RBM47: variants seen among roughly 807,000 people sequenced by gnomAD.
The protein encoded by RBM47 is RNA binding motif protein 47.
A neutral mutation model predicts 47.1 loss-of-function variants in RBM47; 21 were observed. The ratio of observed to expected loss-of-function variants is 0.45; its 90% CI spans 0.32 to 0.64. The LOEUF (loss-of-function observed/expected upper bound fraction) is 0.64. Ranked by LOEUF, RBM47 falls within the 30% of genes least tolerant of loss-of-function variation. The pLI is 0.05. For missense variants in RBM47, 708 were observed against 870.9 expected, an observed-to-expected ratio of 0.81 and a Z score of 2.35; for synonymous variants, 375 against 361.7, an observed-to-expected ratio of 1.04 and a Z score of -0.42.
intron 1 of RBM47, among the ~76,000 whole-genome samples, chr4:40,625,760 C>T (rs1376948194): frequency 6.6e-6 from 1 of 152,126 alleles, no homozygotes; most frequent in African/African-American, 2.4e-5. Context: ...AGACAAATAT[C>T]GTGATTTGGG....
chr4:40,519,190 AAC>A (rs1346779343), intron 2 of RBM47, among the ~76,000 whole-genome samples: 1 of 152,006 alleles, frequency 6.6e-6, no homozygotes, highest in Non-Finnish European at 1.5e-5. Context: ...TGCCCTGGGT[AAC>A]AGAGTGAGAT....
chr4:40,460,111 C>T (rs1276266879), intron 3 of RBM47, among the ~76,000 whole-genome samples: 1 of 152,152 alleles, frequency 6.6e-6, no homozygotes, highest in African/African-American at 2.4e-5. Flanking sequence ...ATGGAAAAGC[C>T]ACACCAACCC....
intron 2 of RBM47, among the ~76,000 whole-genome samples, chr4:40,471,714 C>T (rs565508949): frequency 8.0e-5 from 12 of 150,594 alleles, no homozygotes; most frequent in African/African-American, 2.9e-4. Context: ...AAAAAGGAAG[C>T]GTTTTATCAC....
intron 3 of RBM47, among the ~76,000 whole-genome samples, chr4:40,452,332 G>A (rs888372623): frequency 2.6e-5 from 4 of 152,142 alleles, no homozygotes; most frequent in African/African-American, 9.7e-5. Flanking sequence ...ACCAGATTGT[G>A]AAGGGTCTAA....
rs1714807842 is a variant in RBM47, at chr4:40,424,898, T to C, written c.*1006A>G. ...GCAATTAAATAGCTATGCAAAGGTG[T>C]CTTATGCAACTCGATTAAAACCTTG... is the stretch of plus-strand genomic sequence containing the variant. On this transcript the variant is annotated 3_prime_UTR_variant, in exon 7 of 7. Transcript: ENST00000295971. The C allele has an allele frequency of 6.6e-6, 1 of 151,884 alleles. No homozygotes were observed. Among genetic ancestry groups the C allele is most frequent in the Non-Finnish European group, 1.5e-5 (1 of 67,990 alleles). 9.4% of individuals were successfully genotyped at this position (151,884 alleles called of 1,614,324 possible).
In RBM47 at chr4:40,621,510, C is replaced by T. The variant is rs369799102; in HGVS notation, c.-240+7886G>A. On this transcript the variant is annotated intron_variant, in intron 1 of 6. Transcript: ENST00000295971. The stretch of plus-strand genomic sequence containing the variant: ...TCATGCCAGGTCAAGACAAAAATAC[C>T]TAATTGAGCTCTGCAGCTGAGAACA... 1.2e-3 allele frequency among the ~76,000 whole-genome samples: 184 copies of T among 152,328 alleles called. 1 individual carries two copies. Among genetic ancestry groups the T allele is most frequent in the African/African-American group, 4.0e-3 (167 of 41,576 alleles).
intron 2 of RBM47, among the ~76,000 whole-genome samples, chr4:40,490,291 G>A (rs6851934): frequency 0.75 from 113,844 of 151,564 alleles, 42,875 homozygotes; most frequent in East Asian, 0.92. Flanking sequence ...AGAAAAAAAG[G>A]AAAAAGAAAA....
chr4:40,510,039 T>C (rs994053006), intron 2 of RBM47, among the ~76,000 whole-genome samples: 3 of 151,282 alleles, frequency 2.0e-5, no homozygotes, highest in East Asian at 2.0e-4. Flanking sequence ...AATACAAAAT[T>C]AGCCAGGCAT....
intron 3 of RBM47, among the ~76,000 whole-genome samples, chr4:40,459,547 C>A (rs1474525617): frequency 6.6e-6 from 1 of 151,796 alleles, no homozygotes; most frequent in Admixed American, 6.6e-5. Context: ...GCCTGGGCAA[C>A]AGAGCAAGAC....
At chr4:40,601,562 T>C (rs1735288447) in intron 1 of RBM47, among the ~76,000 whole-genome samples, 1 of 152,268 alleles carries the variant, frequency 6.6e-6, no homozygotes, top group African/African-American at 2.4e-5. Flanking sequence ...GGTTAATTTG[T>C]ACTTAAGAGC....
chr4:40,534,784 A>T (rs1026189525), intron 2 of RBM47, among the ~76,000 whole-genome samples: 7 of 152,036 alleles, frequency 4.6e-5, no homozygotes, highest in African/African-American at 1.7e-4. Flanking sequence ...AATACAAAAA[A>T]ATTAGCCAGG....
At chr4:40,485,026 T>C (rs1486892309) in intron 2 of RBM47, among the ~76,000 whole-genome samples, 2 of 152,218 alleles carry the variant, frequency 1.3e-5, no homozygotes, top group Admixed American at 6.5e-5. Flanking sequence ...TTCTTTTTTG[T>C]TTTTGTTAAG....
chr4:40,576,256 T>TGGGGG (rs72400279), intron 1 of RBM47, among the ~76,000 whole-genome samples: 4 of 117,790 alleles, frequency 3.4e-5, no homozygotes, highest in African/African-American at 1.4e-4. Flanking sequence ...TTTTTTTTTT[T>TGGGGG]GGGGGGGGGC....
chr4:40,590,761 CATGTT>C (rs1734064080), intron 1 of RBM47, among the ~76,000 whole-genome samples: 1 of 152,300 alleles, frequency 6.6e-6, no homozygotes, highest in South Asian at 2.1e-4. Context: ...GTGAGCATAT[CATGTT>C]AAGTGAAAGA....
intron 3 of RBM47, among the ~76,000 whole-genome samples, chr4:40,447,989 T>C (rs1714800765): frequency 6.6e-6 from 1 of 151,280 alleles, no homozygotes; most frequent in African/African-American, 2.4e-5. Context: ...CCAGCCCGGG[T>C]GACAAAGAGA....
chr4:40,504,454 CT>C (rs923450752), intron 2 of RBM47, among the ~76,000 whole-genome samples: 10 of 152,082 alleles, frequency 6.6e-5, no homozygotes, highest in African/African-American at 2.4e-4. Context: ...CCACACCTGA[CT>C]AATCTTTTTG....
At chr4:40,522,204 C>A (rs1422714429) in intron 2 of RBM47, among the ~76,000 whole-genome samples, 1 of 151,964 alleles carries the variant, frequency 6.6e-6, no homozygotes, top group Non-Finnish European at 1.5e-5. Flanking sequence ...TGCAACTAAC[C>A]TTTAAGAAAC....
intron 3 of RBM47, among the ~76,000 whole-genome samples, chr4:40,452,551 A>C (rs1715600824): frequency 6.6e-6 from 1 of 152,208 alleles, no homozygotes; most frequent in South Asian, 2.1e-4. Context: ...AGGGGACAAG[A>C]GACCGAAAAC....
intron 1 of RBM47, among the ~76,000 whole-genome samples, chr4:40,616,302 C>G (rs1479891522): frequency 2.7e-5 from 4 of 147,510 alleles, no homozygotes; most frequent in African/African-American, 2.5e-5. Context: ...TGCAGTGAGC[C>G]GAGATCGCGC....
Sources: allele counts gnomAD v4.1 joint callset (sites outside exome capture counted in the v4.1 genomes callset), GRCh38; gene constraint gnomAD v4.1.1; transcripts MANE v1.5; gene names NCBI Gene and HGNC (gene_info 2026-07-23, HGNC 2026-07-21).